Variants in SLIT1 observed in about 807,000 individuals in gnomAD.
SLIT1 encodes the protein slit homolog 1 protein.
Under a neutral mutation model 186.1 loss-of-function variants are expected in SLIT1, and 66 were observed. The observed-to-expected ratio is 0.35, with a 90% confidence interval of 0.29 to 0.44. SLIT1 has a LOEUF of 0.44. Ranked by LOEUF, SLIT1 falls within the 20% of genes least tolerant of loss-of-function variation. The probability of loss-of-function intolerance (pLI) is 1.00; values close to 1 mark genes in which losing one functional copy is unlikely to be tolerated. For synonymous variants in SLIT1, 761 were observed against 833.8 expected (o/e 0.91, Z 1.50); for missense variants, 1,638 against 2,037.4 (o/e 0.80, Z 3.77).
chr10:97,177,551 G>T (rs1850272847), intron 1 of SLIT1, among the ~76,000 whole-genome samples: 1 of 152,196 alleles, frequency 6.6e-6, no homozygotes. Flanking sequence ...TTATCTTTCA[G>T]TTCTGGAAGT....
At chr10:97,123,813 CAG>C (rs1227987478) in intron 4 of SLIT1, among the ~76,000 whole-genome samples, 1 of 147,432 alleles carries the variant, frequency 6.8e-6, no homozygotes, top group Admixed American at 6.8e-5. Context: ...AAACTGGAGA[CAG>C]AGTAGAAACA....
chr10:97,051,134 C>T (rs998469507), intron 13 of SLIT1, among the ~76,000 whole-genome samples: 2 of 152,076 alleles, frequency 1.3e-5, no homozygotes, highest in African/African-American at 4.8e-5. Context: ...TAGATGTATG[C>T]ATTAAGGAGT....
intron 13 of SLIT1, among the ~76,000 whole-genome samples, chr10:97,051,534 G>T (rs1186956254): frequency 1.3e-5 from 2 of 152,278 alleles, no homozygotes; most frequent in East Asian, 3.9e-4. Context: ...TGAAAATGTC[G>T]GGCGCGGTGG....
At chr10:97,119,939 A>ATATATATGTATG (rs1849545633) in intron 4 of SLIT1, among the ~76,000 whole-genome samples, 1 of 136,718 alleles carries the variant, frequency 7.3e-6, no homozygotes, top group Non-Finnish European at 1.6e-5. Flanking sequence ...ATATATATAT[A>ATATATATGTATG]TATATATGTA....
intron 23 of SLIT1, among the ~76,000 whole-genome samples, chr10:97,031,990 A>G (rs768691213): frequency 6.6e-6 from 1 of 152,264 alleles, no homozygotes; most frequent in South Asian, 2.1e-4. Context: ...CCTGACTCCA[A>G]TAAATCCTCA....
At chr10:97,114,941 A>G (rs1485774113) in intron 4 of SLIT1, among the ~76,000 whole-genome samples, 1 of 152,234 alleles carries the variant, frequency 6.6e-6, no homozygotes, top group Non-Finnish European at 1.5e-5. Flanking sequence ...GAAAACCCTT[A>G]GCACATGATA....
chr10:97,088,410 G>A (rs898037176), intron 4 of SLIT1, among the ~76,000 whole-genome samples: 4 of 152,164 alleles, frequency 2.6e-5, no homozygotes, highest in Non-Finnish European at 5.9e-5. Flanking sequence ...CATACTAGGT[G>A]GTGAATGACT....
intron 4 of SLIT1, among the ~76,000 whole-genome samples, chr10:97,122,168 A>G (rs1849565679): frequency 6.6e-6 from 1 of 152,228 alleles, no homozygotes; most frequent in Non-Finnish European, 1.5e-5. Context: ...TAAGGATTCC[A>G]GCAACATGGA....
At position 97,053,798 on chromosome 10, in the gene SLIT1, A is replaced by T. The variant is rs140598886; in HGVS notation, c.1301+2523T>A. On this transcript the variant is annotated intron_variant, in intron 13 of 36. Transcript: ENST00000266058. ...GGAAACATTCCAGTTAAATATAAGG[A>T]TTCTGTTTTAAAGCATAGTCACAAC... Among the ~76,000 whole-genome samples the T allele has an allele frequency of 2.6e-3, 393 of 152,284 alleles. 2 individuals carry two copies. Among genetic ancestry groups the T allele is most frequent in the African/African-American group, 8.8e-3 (364 of 41,538 alleles).
intron 4 of SLIT1, among the ~76,000 whole-genome samples, chr10:97,083,792 G>T (rs1849129158): frequency 6.6e-6 from 1 of 152,148 alleles, no homozygotes; most frequent in Non-Finnish European, 1.5e-5. Context: ...GCAGGCATTG[G>T]AATCTTGTGG....
chr10:97,179,964 G>A (rs1305560696), intron 1 of SLIT1, among the ~76,000 whole-genome samples: 1 of 152,218 alleles, frequency 6.6e-6, no homozygotes, highest in Non-Finnish European at 1.5e-5. Flanking sequence ...AGAACTGGAG[G>A]CGGCAACTCC....
At chr10:97,033,460 T>C (rs1226284964) in intron 23 of SLIT1, among the ~76,000 whole-genome samples, 6 of 152,052 alleles carry the variant, frequency 3.9e-5, no homozygotes, top group Non-Finnish European at 5.9e-5. Context: ...CCACAAAAAA[T>C]GTTCAGAGGG....
intron 25 of SLIT1, among the ~76,000 whole-genome samples, chr10:97,024,291 C>G (rs1848526763): frequency 6.6e-6 from 1 of 152,102 alleles, no homozygotes; most frequent in South Asian, 2.1e-4. Flanking sequence ...ATAAAGCAGG[C>G]TGAACAAGAC....
Position 97,044,860 on chromosome 10 carries a change from C to T in SLIT1, c.1854-1347G>A, listed in dbSNP as rs544504622. Among the ~76,000 whole-genome samples, 86 of 152,316 alleles carry T rather than the reference C, an allele frequency of 5.6e-4. 1 individual carries two copies. Among genetic ancestry groups the T allele is most frequent in the African/African-American group, 1.9e-3 (78 of 41,552 alleles). On this transcript the variant is annotated intron_variant, in intron 18 of 36. Transcript: ENST00000266058. ...TATTGTCACAGAATGAATGTGATCC[C>T]CTCCAATCCCTATGTTGAAGTCCTA...
intron 7 of SLIT1, among the ~76,000 whole-genome samples, chr10:97,063,878 A>G (rs1009200155): frequency 6.6e-6 from 1 of 152,104 alleles, no homozygotes; most frequent in African/African-American, 2.4e-5. Flanking sequence ...GGTCATCGCA[A>G]TGACCTTGCA....
rs184790812 is a variant in SLIT1, at chr10:97,048,929, G to A, written c.1465+26C>T. The A allele has an allele frequency of 1.0e-3, 1,636 of 1,598,702 alleles. 14 individuals carry two copies. The African/African-American group carries it at 0.011, about 11-fold the overall frequency. ...TGGGCAGGCAGGTAGGTGGACAGGT[G>A]GGCAGGTGGGCAGGCGGGCAGGTAC... On this transcript the variant is annotated intron_variant, in intron 14 of 36. Transcript: ENST00000266058.
intron 4 of SLIT1, among the ~76,000 whole-genome samples, chr10:97,156,357 C>A (rs572488255): frequency 6.6e-6 from 1 of 152,156 alleles, no homozygotes; most frequent in Non-Finnish European, 1.5e-5. Flanking sequence ...GCTGGTGGAT[C>A]GCTTGAGCCT....
At chr10:97,051,824 A>AG (rs1457104628) in intron 13 of SLIT1, among the ~76,000 whole-genome samples, 5 of 151,672 alleles carry the variant, frequency 3.3e-5, no homozygotes, top group Admixed American at 3.3e-4. Context: ...AAAAAAAAAA[A>AG]AAAGAAAGGA....
intron 4 of SLIT1, among the ~76,000 whole-genome samples, chr10:97,093,564 C>T (rs1849255378): frequency 6.6e-6 from 1 of 152,112 alleles, no homozygotes; most frequent in Non-Finnish European, 1.5e-5. Context: ...ATGAGGTGAC[C>T]TTGAGGATGG....
Sources: gnomAD v4.1 joint callset for allele counts (sites outside exome capture counted in the v4.1 genomes callset) on GRCh38, gnomAD v4.1.1 for gene constraint, MANE v1.5 for transcripts, NCBI Gene and HGNC (gene_info 2026-07-23, HGNC 2026-07-21) for gene names.